The following CDH12 variants were observed in gnomAD, a reference collection of about 807,000 sequenced individuals.
CDH12 encodes the protein cadherin 12, also known as cadherin-12.
Under a neutral mutation model 74.1 loss-of-function variants are expected in CDH12, and 41 were observed. That is an observed-to-expected ratio of 0.55 (90% confidence interval 0.43 to 0.72). The LOEUF is 0.72. CDH12 is among the 30% of genes least tolerant of loss of function. The pLI is 0.00. For synonymous variants in CDH12, 399 were observed against 355.0 expected, an observed-to-expected ratio of 1.12 and a Z score of -1.39; for missense variants, 945 against 977.2, an observed-to-expected ratio of 0.97 and a Z score of 0.44.
At chr5:22,572,124 T>C (rs1739570839) in intron 1 of CDH12, among the ~76,000 whole-genome samples, 1 of 152,086 alleles carries the variant, frequency 6.6e-6, no homozygotes, top group Non-Finnish European at 1.5e-5. Context: ...TCTTTACAAG[T>C]AAACATGGCT....
intron 1 of CDH12, among the ~76,000 whole-genome samples, chr5:22,753,280 A>G (rs572814043): frequency 4.1e-4 from 63 of 151,960 alleles, no homozygotes; most frequent in Non-Finnish European, 6.5e-4. Flanking sequence ...TATTAAAAAT[A>G]CAAAAAATTA....
At chr5:22,047,488 T>C (rs1013983508) in intron 5 of CDH12, among the ~76,000 whole-genome samples, 12 of 152,096 alleles carry the variant, frequency 7.9e-5, no homozygotes, top group African/African-American at 2.7e-4. Context: ...ATATTTTATA[T>C]GCAGGTATAA....
chr5:22,612,137 T>C (rs1262740717), intron 1 of CDH12, among the ~76,000 whole-genome samples: 1 of 152,158 alleles, frequency 6.6e-6, no homozygotes, highest in Admixed American at 6.6e-5. Flanking sequence ...AATAGCCATG[T>C]TTTTATAAAT....
intron 8 of CDH12, among the ~76,000 whole-genome samples, chr5:21,830,710 C>G (rs1197222876): frequency 6.6e-6 from 1 of 152,026 alleles, no homozygotes; most frequent in African/African-American, 2.4e-5. Flanking sequence ...ACCCTAGGCC[C>G]TCTGTGCTTT....
At chr5:22,525,831 G>A (rs1156681298) in intron 1 of CDH12, among the ~76,000 whole-genome samples, 1 of 152,180 alleles carries the variant, frequency 6.6e-6, no homozygotes, top group Non-Finnish European at 1.5e-5. Flanking sequence ...AGGGTTATGA[G>A]CATAACTACC....
chr5:22,664,492 CT>C (rs1740511681), intron 1 of CDH12, among the ~76,000 whole-genome samples: 1 of 152,106 alleles, frequency 6.6e-6, no homozygotes, highest in Non-Finnish European at 1.5e-5. Context: ...AAAACTGCCC[CT>C]GTGATTCAAT....
At chr5:21,915,989 G>A (rs1179455756) in intron 6 of CDH12, among the ~76,000 whole-genome samples, 1 of 151,964 alleles carries the variant, frequency 6.6e-6, no homozygotes, top group East Asian at 1.9e-4. Flanking sequence ...AACAAAGTAT[G>A]TGTCATACTG....
intron 4 of CDH12, among the ~76,000 whole-genome samples, chr5:22,196,651 G>C (rs1011255605): frequency 2.6e-5 from 4 of 152,092 alleles, no homozygotes; most frequent in African/African-American, 9.7e-5. Flanking sequence ...TCTGCAAGGG[G>C]ACTAGAGACA....
At chr5:22,648,890 A>G (rs1739579501) in intron 1 of CDH12, among the ~76,000 whole-genome samples, 1 of 151,968 alleles carries the variant, frequency 6.6e-6, no homozygotes, top group Admixed American at 6.6e-5. Context: ...AATTACTTTA[A>G]GCTTAACAAA....
intron 4 of CDH12, among the ~76,000 whole-genome samples, chr5:22,169,635 G>A (rs1214282835): frequency 6.6e-6 from 1 of 151,816 alleles, no homozygotes; most frequent in Non-Finnish European, 1.5e-5. Context: ...TTTCAGGGCT[G>A]AATCTATGGC....
intron 4 of CDH12, among the ~76,000 whole-genome samples, chr5:22,196,616 C>T (rs2150351018): frequency 6.6e-6 from 1 of 152,284 alleles, no homozygotes; most frequent in Non-Finnish European, 1.5e-5. Context: ...AAAAGTCCCT[C>T]ATTTGCTCTC....
At chr5:21,882,809 A>C (rs1752429065) in intron 6 of CDH12, 1 of 1,561,568 alleles carries the variant, frequency 6.4e-7, no homozygotes, top group Admixed American at 1.7e-5. Flanking sequence ...GTCCCAACGT[A>C]ACAAAAGATG....
intron 1 of CDH12, among the ~76,000 whole-genome samples, chr5:22,540,615 T>C (rs914373547): frequency 6.6e-6 from 1 of 152,166 alleles, no homozygotes; most frequent in Non-Finnish European, 1.5e-5. Flanking sequence ...AAGAAAATAA[T>C]TCACACAGGA....
At chr5:21,935,532 T>C (rs1755038504) in intron 6 of CDH12, among the ~76,000 whole-genome samples, 1 of 152,194 alleles carries the variant, frequency 6.6e-6, no homozygotes, top group Admixed American at 6.5e-5. Flanking sequence ...ACATGCATAA[T>C]AATCACATCA....
intron 1 of CDH12, among the ~76,000 whole-genome samples, chr5:22,533,557 C>T (rs1204449507): frequency 6.6e-6 from 1 of 152,086 alleles, no homozygotes; most frequent in Non-Finnish European, 1.5e-5. Context: ...AAGGTTTTGG[C>T]CATGCTTCCT....
intron 10 of CDH12, among the ~76,000 whole-genome samples, chr5:21,799,634 T>G (rs1470195897): frequency 6.6e-6 from 1 of 152,200 alleles, no homozygotes; most frequent in Non-Finnish European, 1.5e-5. Flanking sequence ...ATCATCAAAC[T>G]TCTTCAGCTC....
chr5:22,141,971 C>T (rs1249563047), intron 4 of CDH12, among the ~76,000 whole-genome samples: 5 of 152,054 alleles, frequency 3.3e-5, no homozygotes, highest in Admixed American at 2.0e-4. Flanking sequence ...CAGAGTTGTA[C>T]GGCCATAGGG....
chr5:22,298,672 T>C (rs914583689), intron 3 of CDH12, among the ~76,000 whole-genome samples: 2 of 152,136 alleles, frequency 1.3e-5, no homozygotes, highest in Non-Finnish European at 2.9e-5. Flanking sequence ...CACCAGTTGG[T>C]TATATTAGTG....
rs145043127 is a variant in CDH12, at chr5:22,279,586, C to T, written c.-332-66943G>A. Among the ~76,000 whole-genome samples the T allele has an allele frequency of 2.2e-4, 33 of 152,026 alleles. No individual in the cohort carries two copies. The East Asian group carries it at 6.2e-3, about 29-fold the overall frequency. ...GTTCCCTTTCCTGTGTCCAAGTGTTCTCATTGCTCAATTCCCACCTACGAG... is the reference window on the plus strand; with the variant it reads ...GTTCCCTTTCCTGTGTCCAAGTGTTTTCATTGCTCAATTCCCACCTACGAG... On this transcript the variant is annotated intron_variant, in intron 3 of 14. Coordinates refer to ENST00000382254, the MANE Select transcript of CDH12 (RefSeq NM_004061.5).
Sources: gnomAD v4.1 joint callset for allele counts (sites outside exome capture counted in the v4.1 genomes callset) on GRCh38, gnomAD v4.1.1 for gene constraint, MANE v1.5 for transcripts, NCBI Gene and HGNC (gene_info 2026-07-23, HGNC 2026-07-21) for gene names.